Variants in HMGXB4 observed in about 807,000 individuals in gnomAD.
The protein encoded by HMGXB4 is HMG domain-containing protein 4.
Under a neutral mutation model 63.9 loss-of-function variants are expected in HMGXB4, and 27 were observed. The ratio of observed to expected loss-of-function variants is 0.42; its 90% confidence interval spans 0.31 to 0.58. HMGXB4 has a LOEUF of 0.58. HMGXB4 is among the 20% of genes least tolerant of loss of function. The pLI, the probability that HMGXB4 is intolerant of heterozygous loss-of-function variation, is 0.13. For synonymous variants in HMGXB4, 264 were observed against 265.3 expected (o/e 0.99, Z 0.05); for missense variants, 624 against 700.7 (o/e 0.89, Z 1.24).
intron 5 of HMGXB4, among the ~76,000 whole-genome samples, chr22:35,270,426 A>T (rs1923536399): frequency 6.6e-6 from 1 of 152,320 alleles, no homozygotes; most frequent in South Asian, 2.1e-4. Context: ...TTATTTCATT[A>T]TATGTTACAA....
Position 35,265,152 on chromosome 22 carries a change from C to A in HMGXB4, c.764C>A (p.Ser255Tyr), listed in dbSNP as rs1462566241. 8.1e-6 allele frequency: 13 copies of A among 1,614,054 alleles called. No individual in the cohort carries two copies. Among genetic ancestry groups the A allele is most frequent in the Non-Finnish European group, 1.1e-5 (13 of 1,180,000 alleles). ...ACAGCCCGGAAAAAGCACAAGTCAT[C>A]CTCAGACGCACATTCATCTCCTGGC... ...LKTARKKHKSSSDAHSSPGPE... is the reference protein window; with the variant it reads ...LKTARKKHKSYSDAHSSPGPE... Residue 255 changes from serine (S) to tyrosine (Y), a missense_variant, in exon 5 of 11, where the codon TCC becomes TAC. This residue lies in a region of HMGXB4 where 472 missense variants were observed against 470.6 expected (regional missense o/e 1.00). Coordinates refer to ENST00000216106, the MANE Select transcript of HMGXB4 (RefSeq NM_001003681.3).
rs768824191 is a variant in HMGXB4, at chr22:35,263,781, C to T, written c.181-15C>T. ...CTCATCATCTTATTATTGGTCAATT[C>T]TTCTTTAATTATAGGATAGTGAACT... On this transcript the variant is annotated splice_polypyrimidine_tract_variant and intron_variant, in intron 3 of 10. Coordinates refer to ENST00000216106, the MANE Select transcript of HMGXB4 (RefSeq NM_001003681.3). 24 of 1,585,046 alleles carry T rather than the reference C, an allele frequency of 1.5e-5. No individual in the cohort carries two copies. Among genetic ancestry groups the T allele is most frequent in the Middle Eastern group, 1.7e-4 (1 of 6,024 alleles).
At chr22:35,290,153 T>A (rs1924836771) in intron 9 of HMGXB4, among the ~76,000 whole-genome samples, 1 of 152,224 alleles carries the variant, frequency 6.6e-6, no homozygotes, top group African/African-American at 2.4e-5. Context: ...TCAGATTTAA[T>A]CATTCTTACG....
At chr22:35,277,675 G>T (rs995403696) in intron 5 of HMGXB4, among the ~76,000 whole-genome samples, 1 of 152,288 alleles carries the variant, frequency 6.6e-6, no homozygotes, top group South Asian at 2.1e-4. Context: ...TGTGAAATTT[G>T]TTCAGGAAAC....
In HMGXB4 at chr22:35,293,782, CAT is replaced by C. The variant is rs1322076264; in HGVS notation, c.*141_*142del. 2.9e-5 allele frequency: 15 copies of C among 513,380 alleles called. No individual in the cohort carries two copies. Among genetic ancestry groups the C allele is most frequent in the Non-Finnish European group, 4.5e-5 (13 of 288,026 alleles). The allele number at this position is 513,380 out of a possible 1,614,324, so 31.8% of individuals were successfully genotyped here. On this transcript the variant is annotated 3_prime_UTR_variant, in exon 11 of 11. Coordinates refer to ENST00000216106, the MANE Select transcript of HMGXB4 (RefSeq NM_001003681.3). ...TTTTATATCTATACATACATATATACATATATATATAATGTACAATATATACA... is the reference window on the plus strand; with the variant it reads ...TTTTATATCTATACATACATATATACATATATATAATGTACAATATATACA...
chr22:35,247,098 A>AT, the HMGXB4 span, among the ~76,000 whole-genome samples: 2 of 151,700 alleles, frequency 1.3e-5, no homozygotes, highest in Admixed American at 1.3e-4. Flanking sequence ...ATGCCTGGTG[A>AT]TTTTTTTATT....
At chr22:35,273,718 C>T (rs948450650) in intron 5 of HMGXB4, among the ~76,000 whole-genome samples, 3 of 152,150 alleles carry the variant, frequency 2.0e-5, no homozygotes, top group African/African-American at 7.2e-5. Flanking sequence ...GTGATTACAT[C>T]ACATATTTGG....
chr22:35,259,806 TC>T, intron 1 of HMGXB4, among the ~76,000 whole-genome samples: 1 of 152,348 alleles, frequency 6.6e-6, no homozygotes, highest in African/African-American at 2.4e-5. Flanking sequence ...TCTTTTTTCT[TC>T]AGGTTATTTA....
chr22:35,276,418 A>G (rs1361422787), intron 5 of HMGXB4, among the ~76,000 whole-genome samples: 1 of 152,234 alleles, frequency 6.6e-6, no homozygotes, highest in African/African-American at 2.4e-5. Context: ...CGAGTTGCCC[A>G]CACTGAGAGA....
At position 35,287,415 on chromosome 22, in the gene HMGXB4, G is replaced by A. The variant is rs113419244; in HGVS notation, c.1431G>A (p.Arg477=). 24 of 1,613,560 alleles carry A rather than the reference G, an allele frequency of 1.5e-5. No homozygotes were observed. The African/African-American group carries it at 1.9e-4, about 13-fold the overall frequency. ...AAGCAGAAGCCACAACTGTGAAAAG[G>A]AAAGCATCCAGCTCAGAAGGTTCCA... ...QNKAEATTVK[R]KASSSEGSMK... The change falls in exon 8 of 11, where the codon AGG becomes AGA. Residue 477 remains arginine, a synonymous_variant. Transcript: ENST00000216106.
In HMGXB4 at chr22:35,263,150, G is replaced by C; in HGVS notation, c.104G>C (p.Arg35Pro). 1 of 1,613,844 alleles carries C rather than the reference G, an allele frequency of 6.2e-7. No individual in the cohort carries two copies. The highest frequency in any genetic ancestry group is 1.6e-4 in the Middle Eastern group (1 of 6,062). Reference protein sequence around the residue: ...AAGRSQREKKRSYKDFLREEE... With the variant: ...AAGRSQREKKPSYKDFLREEE... The stretch of plus-strand genomic sequence containing the variant: ...GGCCGAAGCCAACGAGAGAAAAAAC[G>C]TTCTTACAAAGATTTTTTAAGGGAA... The change falls in exon 3 of 11, where the codon CGT (arginine) becomes CCT (proline). Residue 35 changes from arginine (R) to proline (P), a missense_variant. Coordinates refer to ENST00000216106, the MANE Select transcript of HMGXB4 (RefSeq NM_001003681.3).
At position 35,265,061 on chromosome 22, in the gene HMGXB4, A is replaced by G; in HGVS notation, c.673A>G (p.Lys225Glu). ...ACAAGCGACTGTGAAAAAATCCTCAAAGAAATCAGCTCGGGATGAGCAGGG... is the reference window on the plus strand; with the variant it reads ...ACAAGCGACTGTGAAAAAATCCTCAGAGAAATCAGCTCGGGATGAGCAGGG... ...SQQATVKKSS[K>E]KSARDEQGAL... Residue 225 changes from lysine to glutamate, a missense_variant, in exon 5 of 11, where the codon AAG becomes GAG. Physicochemically the swap from Lys to Glu is moderately conservative, Grantham distance 56. Coordinates refer to ENST00000216106, the MANE Select transcript of HMGXB4 (RefSeq NM_001003681.3). 6.2e-7 allele frequency: 1 copy of G among 1,614,078 alleles called. No homozygotes were observed. Among genetic ancestry groups the G allele is most frequent in the South Asian group, 1.1e-5 (1 of 91,090 alleles).
At chr22:35,254,579 T>G (rs768350095), upstream of HMGXB4, among the ~76,000 whole-genome samples, 3 of 152,212 alleles carry the variant, frequency 2.0e-5, no homozygotes, top group Admixed American at 6.5e-5. Context: ...GGCATTATTT[T>G]CTCCACCTCT....
upstream of HMGXB4, among the ~76,000 whole-genome samples, chr22:35,255,328 A>G (rs775516533): frequency 6.6e-6 from 1 of 151,956 alleles, no homozygotes; most frequent in Non-Finnish European, 1.5e-5. Flanking sequence ...TAAAAAAAAA[A>G]CAACAAAAAA....
Position 35,279,699 on chromosome 22 carries a change from T to TTTTTTTTTTTTG in HMGXB4, c.1216-4263_1216-4262insTTTTTTTTTTTG, listed in dbSNP as rs144948164. ...TTCCTTTTTTTTTTTTTTTTTTTTT[T>TTTTTTTTTTTTG]GGCATGTGGATATCCAATTGTCCCA... On this transcript the variant is annotated intron_variant, in intron 5 of 10. Transcript: ENST00000216106. Among the ~76,000 whole-genome samples, 4 of 108,254 alleles carry TTTTTTTTTTTTG rather than the reference T, an allele frequency of 3.7e-5. 2 individuals are homozygous for TTTTTTTTTTTTG. Among genetic ancestry groups the TTTTTTTTTTTTG allele is most frequent in the Non-Finnish European group, 4.0e-5 (2 of 50,382 alleles). The allele number at this position is 108,254 out of a possible 152,430, so 71.0% of individuals were successfully genotyped here. A position where few individuals can be genotyped will look rare whatever the true frequency, so the allele number is the denominator to read the frequency against.
chr22:35,282,262 C>T (rs959985332), intron 5 of HMGXB4, among the ~76,000 whole-genome samples: 1 of 152,198 alleles, frequency 6.6e-6, no homozygotes, highest in Non-Finnish European at 1.5e-5. Flanking sequence ...CTGCAAGCTC[C>T]ACCTCCCGGG....
chr22:35,242,791 T>C, the HMGXB4 span, among the ~76,000 whole-genome samples: 3 of 152,230 alleles, frequency 2.0e-5, no homozygotes, highest in African/African-American at 7.2e-5. Context: ...CCTTTAGCTG[T>C]GTCCCATAAA....
the HMGXB4 span, among the ~76,000 whole-genome samples, chr22:35,242,748 T>G: frequency 1.3e-5 from 2 of 152,334 alleles, no homozygotes; most frequent in Non-Finnish European, 2.9e-5. Flanking sequence ...TCTAATGTAT[T>G]CATTTAGTGT....
At chr22:35,241,626 G>A in the HMGXB4 span, among the ~76,000 whole-genome samples, 2 of 152,198 alleles carry the variant, frequency 1.3e-5, no homozygotes, top group Admixed American at 6.5e-5. Context: ...CCTGTATTTC[G>A]CTCAGCTCAG....
Sources: allele counts gnomAD v4.1 joint callset (sites outside exome capture counted in the v4.1 genomes callset), GRCh38; gene constraint gnomAD v4.1.1; regional missense constraint gnomAD v4.1.1; transcripts MANE v1.5; gene names NCBI Gene and HGNC (gene_info 2026-07-23, HGNC 2026-07-21).